XYLT1: variants seen among roughly 807,000 people sequenced by gnomAD.
The protein encoded by XYLT1 is xylosyltransferase 1.
A neutral mutation model predicts 91.3 loss-of-function variants in XYLT1; 36 were observed. The observed-to-expected ratio is 0.39, with a 90% CI of 0.30 to 0.52. The LOEUF is 0.52. XYLT1 is among the 20% of genes least tolerant of loss of function. The pLI is 0.68. For missense variants in XYLT1, 1,242 were observed against 1,284.5 expected, an observed-to-expected ratio of 0.97 and a Z score of 0.51; for synonymous variants, 588 against 532.0, an observed-to-expected ratio of 1.11 and a Z score of -1.45.
chr16:17,430,862 A>G (rs1330313261), intron 1 of XYLT1, among the ~76,000 whole-genome samples: 1 of 152,224 alleles, frequency 6.6e-6, no homozygotes. Context: ...TCTCATTCTA[A>G]GAGATAGTAT....
intron 8 of XYLT1, among the ~76,000 whole-genome samples, chr16:17,135,538 G>GAGTC (rs2030683468): frequency 6.9e-6 from 1 of 145,778 alleles, no homozygotes; most frequent in Non-Finnish European, 1.5e-5. Flanking sequence ...AGGACCTACT[G>GAGTC]AGTCAATAGC....
chr16:17,332,558 TCACA>T (rs775938130), intron 2 of XYLT1, among the ~76,000 whole-genome samples: 1 of 126,730 alleles, frequency 7.9e-6, no homozygotes, highest in Non-Finnish European at 1.6e-5. Context: ...CCAGAGTCCA[TCACA>T]CACATACACA....
intron 2 of XYLT1, among the ~76,000 whole-genome samples, chr16:17,265,982 CTGAG>C (rs2033798008): frequency 6.6e-6 from 1 of 152,154 alleles, no homozygotes; most frequent in Admixed American, 6.5e-5. Flanking sequence ...ACTAACCATT[CTGAG>C]TTAGTTATTA....
chr16:17,393,014 C>T (rs942611349), intron 1 of XYLT1, among the ~76,000 whole-genome samples: 11 of 152,136 alleles, frequency 7.2e-5, no homozygotes, highest in African/African-American at 2.2e-4. Flanking sequence ...CACTCCCTAC[C>T]TTCCCTCTTT....
intron 2 of XYLT1, among the ~76,000 whole-genome samples, chr16:17,277,396 T>C (rs752747516): frequency 6.6e-6 from 1 of 151,908 alleles, no homozygotes; most frequent in Non-Finnish European, 1.5e-5. Context: ...CACCACCTTT[T>C]TGCTTTTTGT....
intron 1 of XYLT1, among the ~76,000 whole-genome samples, chr16:17,420,691 T>C (rs1002398625): frequency 4.1e-4 from 63 of 152,328 alleles, no homozygotes; most frequent in Admixed American, 1.4e-3. Flanking sequence ...ATTCAGATTT[T>C]TTTTTGCGAA....
intron 1 of XYLT1, 46 bp downstream of exon 1, chr16:17,470,388 T>C (rs1417436204): frequency 1.4e-5 from 17 of 1,214,578 alleles, no homozygotes; most frequent in East Asian, 1.3e-4. Flanking sequence ...TCGGGCTGCC[T>C]TCCTCCCTCC....
intron 2 of XYLT1, among the ~76,000 whole-genome samples, chr16:17,268,032 T>C (rs2033832898): frequency 6.6e-6 from 1 of 152,164 alleles, no homozygotes; most frequent in South Asian, 2.1e-4. Context: ...CCCTGAGGCC[T>C]TCTCAGGGGA....
At chr16:17,292,489 A>C (rs2034245129) in intron 2 of XYLT1, among the ~76,000 whole-genome samples, 1 of 152,224 alleles carries the variant, frequency 6.6e-6, no homozygotes. Context: ...CTGTGTATCC[A>C]AAATGACCTG....
chr16:17,218,921 CA>C (rs2032910369), intron 3 of XYLT1, among the ~76,000 whole-genome samples: 2 of 152,208 alleles, frequency 1.3e-5, no homozygotes, highest in Middle Eastern at 3.4e-3. Context: ...GGGGCAGTGG[CA>C]GGGGGCAGGG....
intron 1 of XYLT1, among the ~76,000 whole-genome samples, chr16:17,378,895 T>C (rs920228910): frequency 8.5e-5 from 13 of 152,234 alleles, no homozygotes; most frequent in African/African-American, 2.7e-4. Context: ...TATTTCTTCA[T>C]AGACAGAATA....
intron 2 of XYLT1, among the ~76,000 whole-genome samples, chr16:17,261,790 G>T (rs1405134519): frequency 6.6e-6 from 1 of 152,086 alleles, no homozygotes; most frequent in Non-Finnish European, 1.5e-5. Context: ...GAAGGAAAAA[G>T]AACCAAGAAA....
intron 1 of XYLT1, among the ~76,000 whole-genome samples, chr16:17,375,875 G>A (rs537632338): frequency 1.6e-3 from 243 of 152,374 alleles, no homozygotes; most frequent in Non-Finnish European, 2.9e-3. Flanking sequence ...AGACTTGAAC[G>A]GCTGGAGCCA....
chr16:17,209,081 G>A (rs184426730), intron 3 of XYLT1, among the ~76,000 whole-genome samples: 276 of 152,248 alleles, frequency 1.8e-3, no homozygotes, highest in African/African-American at 6.5e-3. Context: ...ACACTGTTGT[G>A]CAACTATTAT....
chr16:17,264,077 T>C (rs2033765591), intron 2 of XYLT1, among the ~76,000 whole-genome samples: 1 of 152,212 alleles, frequency 6.6e-6, no homozygotes, highest in Non-Finnish European at 1.5e-5. Flanking sequence ...AACACTATAG[T>C]ACTATATGCA....
At chr16:17,410,150 C>A (rs2036089098) in intron 1 of XYLT1, among the ~76,000 whole-genome samples, 1 of 152,136 alleles carries the variant, frequency 6.6e-6, no homozygotes, top group Non-Finnish European at 1.5e-5. Flanking sequence ...GATTCTGTAC[C>A]AGGCTAGTTT....
At chr16:17,309,992 T>C (rs1469770402) in intron 2 of XYLT1, among the ~76,000 whole-genome samples, 2 of 152,154 alleles carry the variant, frequency 1.3e-5, no homozygotes, top group African/African-American at 4.8e-5. Flanking sequence ...GCAGCTCAAT[T>C]TGGAGGCTGG....
intron 3 of XYLT1, among the ~76,000 whole-genome samples, chr16:17,238,018 G>T (rs1192261776): frequency 6.6e-6 from 1 of 152,194 alleles, no homozygotes; most frequent in African/African-American, 2.4e-5. Flanking sequence ...CATCCTTTCG[G>T]TGAGGGCAGT....
At chr16:17,119,860 C>T (rs2029984820) in intron 10 of XYLT1, among the ~76,000 whole-genome samples, 1 of 152,226 alleles carries the variant, frequency 6.6e-6, no homozygotes, top group Non-Finnish European at 1.5e-5. Context: ...TTCATTCACT[C>T]TCTCAGTCAT....
Sources: gnomAD v4.1 joint callset for allele counts (sites outside exome capture counted in the v4.1 genomes callset) on GRCh38, gnomAD v4.1.1 for gene constraint, MANE v1.5 for transcripts, NCBI Gene and HGNC (gene_info 2026-07-23, HGNC 2026-07-21) for gene names.